IMMT: variants seen among roughly 807,000 people sequenced by gnomAD.
IMMT encodes inner membrane mitochondrial protein.
IMMT carries 40 observed loss-of-function variants against 92.7 expected under a neutral mutation model. The observed-to-expected ratio is 0.43, with a 90% CI of 0.34 to 0.56. The LOEUF (loss-of-function observed/expected upper bound fraction) is 0.56, where lower values mean the gene tolerates loss of function less well. IMMT is among the 20% of genes least tolerant of loss of function. The pLI is 0.03. For missense variants in IMMT, 831 were observed against 912.1 expected, an observed-to-expected ratio of 0.91 and a Z score of 1.14; for synonymous variants, 322 against 336.1, an observed-to-expected ratio of 0.96 and a Z score of 0.46.
In IMMT at chr2:86,152,457, A is replaced by AAAAAAAAAG. The variant is rs1242798734; in HGVS notation, c.1178-938_1178-937insCTTTTTTTT. 8.0e-5 allele frequency among the ~76,000 whole-genome samples: 12 copies of AAAAAAAAAG among 149,822 alleles called. No individual in the cohort carries two copies. The East Asian group carries it at 1.4e-3, about 18-fold the overall frequency. ...CTCCATCTCAAAAAAAAAAAAAAAA[A>AAAAAAAAAG]AGAGAGAATTATGGCTCCACCGGCC... On this transcript the variant is annotated intron_variant, in intron 11 of 14. Coordinates refer to ENST00000410111, the MANE Select transcript of IMMT (RefSeq NM_006839.3).
chr2:86,185,655 A>T (rs2105533289), intron 1 of IMMT, among the ~76,000 whole-genome samples: 1 of 152,322 alleles, frequency 6.6e-6, no homozygotes, highest in South Asian at 2.1e-4. Context: ...TAATGAAGAA[A>T]ATCCCATTAA....
At chr2:86,161,761 G>A (rs1031404709) in intron 8 of IMMT, among the ~76,000 whole-genome samples, 3 of 151,528 alleles carry the variant, frequency 2.0e-5, no homozygotes, top group Admixed American at 6.6e-5. Flanking sequence ...TGATCTGTCC[G>A]CCTCGGCCTC....
At chr2:86,178,918 C>T (rs1052647956) in intron 3 of IMMT, among the ~76,000 whole-genome samples, 4 of 151,956 alleles carry the variant, frequency 2.6e-5, no homozygotes, top group Non-Finnish European at 5.9e-5. Flanking sequence ...AACAATTAGC[C>T]GGGCATGGTG....
intron 1 of IMMT, among the ~76,000 whole-genome samples, chr2:86,192,827 G>A (rs1287657894): frequency 6.6e-6 from 1 of 152,000 alleles, no homozygotes; most frequent in East Asian, 1.9e-4. Context: ...AGAGTTCAGG[G>A]CAAAAGAAAC....
chr2:86,150,013 G>C (rs1320840812), intron 12 of IMMT, among the ~76,000 whole-genome samples: 1 of 152,216 alleles, frequency 6.6e-6, no homozygotes, highest in Non-Finnish European at 1.5e-5. Context: ...TAGGATCTGT[G>C]GGGCAACTGA....
chr2:86,194,091 T>C (rs1388733180), intron 1 of IMMT, among the ~76,000 whole-genome samples: 1 of 152,216 alleles, frequency 6.6e-6, no homozygotes, highest in Non-Finnish European at 1.5e-5. Context: ...CTGTAGAAGC[T>C]GGGAGCAGTG....
chr2:86,148,485 G>C (rs1266346438), intron 12 of IMMT, among the ~76,000 whole-genome samples: 3 of 152,032 alleles, frequency 2.0e-5, no homozygotes, highest in Non-Finnish European at 4.4e-5. Context: ...GGTGGCGGGT[G>C]CCTGTAGTCC....
Position 86,195,378 on chromosome 2 carries a change from A to G in IMMT, c.5T>C (p.Leu2Pro), listed in dbSNP as rs1440298247. ...CACACCCGATAACTGACAGGCCCGCAGCATCTCGGTCAAGCGGACGGCGCT... is the reference window on the plus strand; with the variant it reads ...CACACCCGATAACTGACAGGCCCGCGGCATCTCGGTCAAGCGGACGGCGCT... M[L>P]RACQLSGVTA... The change falls in exon 1 of 15, where the codon CTG becomes CCG. Residue 2 changes from leucine (L) to proline (P), a missense_variant. Physicochemically the swap from Leu to Pro is moderately conservative, Grantham distance 98. Transcript: ENST00000410111. The G allele has an allele frequency of 1.3e-6, 2 of 1,549,206 alleles. No individual in the cohort carries two copies.
In IMMT at chr2:86,183,518, T is replaced by C. The variant is rs543827063; in HGVS notation, c.46-2146A>G. On this transcript the variant is annotated intron_variant, in intron 1 of 14. Transcript: ENST00000410111. Reference sequence around the variant, plus strand: ...ACTCTCCATCCTCCCTTTGACAGAATGTGTTTTGACTATAAGTTAAAAGCT... The same window carrying C: ...ACTCTCCATCCTCCCTTTGACAGAACGTGTTTTGACTATAAGTTAAAAGCT... Among the ~76,000 whole-genome samples the C allele has an allele frequency of 4.6e-5, 7 of 152,304 alleles. No homozygotes were observed. In the South Asian group the frequency reaches 1.2e-3, roughly 27 times the overall value.
rs540953769 is a variant in IMMT, at chr2:86,188,313, C to T, written c.46-6941G>A. Reference sequence around the variant, plus strand: ...TGTCAAAGGATGTTGAGCATCTTTCCATGTGCTTCTTAGCCATCTGTATAT... The same window carrying T: ...TGTCAAAGGATGTTGAGCATCTTTCTATGTGCTTCTTAGCCATCTGTATAT... On this transcript the variant is annotated intron_variant, in intron 1 of 14. Coordinates refer to ENST00000410111, the MANE Select transcript of IMMT (RefSeq NM_006839.3). 5.3e-5 allele frequency among the ~76,000 whole-genome samples: 8 copies of T among 152,282 alleles called. No homozygotes were observed. In the East Asian group the frequency reaches 1.4e-3, roughly 26 times the overall value.
chr2:86,151,706 A>G (rs1029829154), intron 11 of IMMT, among the ~76,000 whole-genome samples, 186 bp from the exon 12 acceptor site: 5 of 152,168 alleles, frequency 3.3e-5, no homozygotes, highest in Admixed American at 3.3e-4. Context: ...GGTATTTTCA[A>G]CCCCTGGCAA....
chr2:86,182,905 CA>C (rs1439060292), intron 1 of IMMT, among the ~76,000 whole-genome samples: 2 of 150,868 alleles, frequency 1.3e-5, no homozygotes, highest in South Asian at 4.2e-4. Flanking sequence ...ACCAAACAAA[CA>C]AAAAAAACCC....
Position 86,156,593 on chromosome 2 carries a change from CAAAAA to C in IMMT, c.1162+1994_1162+1998del, listed in dbSNP as rs57252871. Among the ~76,000 whole-genome samples the C allele has an allele frequency of 1.8e-4, 8 of 44,670 alleles. No individual in the cohort carries two copies. In the South Asian group the frequency reaches 5.8e-3, roughly 32 times the overall value. The allele number at this position is 44,670 out of a possible 152,430, so 29.3% of individuals were successfully genotyped here. ...TGGGTGACACAGCAAGACTCCATCTCAAAAAAAAAAAAAAAAAAAAAGTTTTGCGA... is the reference window on the plus strand; with the variant it reads ...TGGGTGACACAGCAAGACTCCATCTCAAAAAAAAAAAAAAAAGTTTTGCGA... On this transcript the variant is annotated intron_variant, in intron 10 of 14. Transcript: ENST00000410111.
At position 86,173,642 on chromosome 2, in the gene IMMT, A is replaced by G. The variant is rs750317780; in HGVS notation, c.421+8T>C. On this transcript the variant is annotated splice_region_variant and intron_variant, in intron 4 of 14. Transcript: ENST00000410111. ...TAATTTTAAAAAGATGGTTCAAAAT[A>G]TAAGTACCTGTTGCTGAAGCTGGAG... The G allele has an allele frequency of 2.5e-5, 37 of 1,453,306 alleles. No homozygotes were observed. The highest frequency in any genetic ancestry group is 4.6e-5 in the East Asian group (2 of 43,834). The allele number at this position is 1,453,306 out of a possible 1,614,324, so 90.0% of individuals were successfully genotyped here.
chr2:86,181,348 G>A lies in IMMT; in HGVS notation c.70C>T (p.Leu24Phe), dbSNP rs753191871. ...CTGCGGCATGGTCGCAATGGACGGA[G>A]GACAAACTTCCCACAGAGACAACTC... ...AQSCLCGKFVLRPLRPCRRYS... is the reference protein window; with the variant it reads ...AQSCLCGKFVFRPLRPCRRYS... Residue 24 changes from leucine (L) to phenylalanine (F), a missense_variant, in exon 2 of 15, where the codon CTC becomes TTC. Leu to Phe is a conservative substitution (Grantham distance 22). Transcript: ENST00000410111. 2.5e-6 allele frequency: 4 copies of A among 1,613,334 alleles called. No individual in the cohort carries two copies. Among genetic ancestry groups the A allele is most frequent in the African/African-American group, 2.7e-5 (2 of 74,790 alleles).
intron 3 of IMMT, among the ~76,000 whole-genome samples, chr2:86,178,658 T>A (rs183059194): frequency 6.6e-6 from 1 of 151,926 alleles, no homozygotes; most frequent in African/African-American, 2.4e-5. Flanking sequence ...CATACATACA[T>A]CTGGCAAGTT....
In IMMT at chr2:86,144,362, G is replaced by A. The variant is rs1221992494; in HGVS notation, c.2183C>T (p.Ala728Val). The A allele has an allele frequency of 6.2e-7, 1 of 1,613,930 alleles. No individual in the cohort carries two copies. The highest frequency in any genetic ancestry group is 2.2e-5 in the East Asian group (1 of 44,884). Residue 728 changes from alanine to valine, a missense_variant, in exon 15 of 15, where the codon GCC (alanine) becomes GTC (valine). Physicochemically the swap from Ala to Val is moderately conservative, Grantham distance 64. Transcript: ENST00000410111. ...CTGTTTCGTTTCTAGGGTCATTCGG[G>A]CTTCCTTCAGCCAGTCCTGTGCCAC... ...RRVAQDWLKE[A>V]RMTLETKQIV... is the part of the protein sequence containing the mutation.
intron 12 of IMMT, among the ~76,000 whole-genome samples, chr2:86,149,620 G>C (rs1434665657): frequency 6.6e-6 from 1 of 152,312 alleles, no homozygotes; most frequent in East Asian, 1.9e-4. Flanking sequence ...CCTCATGCCT[G>C]TAATTCTGGC....
chr2:86,163,959 C>CCAAAAAAAAAAAAAAA (rs1676469627), intron 7 of IMMT, among the ~76,000 whole-genome samples: 4 of 91,928 alleles, frequency 4.4e-5, no homozygotes, highest in African/African-American at 1.2e-4. Context: ...ACTCCATCTC[C>CCAAAAAAAAAAAAAAA]AAAAAAAAAG....
Sources: gnomAD v4.1 joint callset for allele counts (sites outside exome capture counted in the v4.1 genomes callset) on GRCh38, gnomAD v4.1.1 for gene constraint, MANE v1.5 for transcripts, NCBI Gene and HGNC (gene_info 2026-07-23, HGNC 2026-07-21) for gene names.